The following JAKMIP3 variants were observed in gnomAD, a reference collection of about 807,000 sequenced individuals.
JAKMIP3 encodes the protein Janus kinase and microtubule interacting protein 3.
Under a neutral mutation model 118.5 loss-of-function variants are expected in JAKMIP3, and 58 were observed. The observed-to-expected ratio is 0.49, with a 90% CI of 0.40 to 0.61. JAKMIP3 has a LOEUF of 0.61. JAKMIP3 is among the 20% of genes least tolerant of loss of function. The pLI is 0.00. For missense variants in JAKMIP3, 950 were observed against 1,109.0 expected (o/e 0.86, Z 2.04); for synonymous variants, 486 against 451.2 (o/e 1.08, Z -0.98).
chr10:132,064,893 TG>T (rs902157363), upstream of JAKMIP3, among the ~76,000 whole-genome samples: 15 of 152,080 alleles, frequency 9.9e-5, no homozygotes, highest in African/African-American at 3.4e-4. This position sits in a 1 kb window ranked among gnomAD's most constrained non-coding sequence, Gnocchi z 4.4. Context: ...GTCTCAGCTT[TG>T]GGGTGAAGTG....
chr10:132,125,962 A>G (rs757436305), intron 3 of JAKMIP3, among the ~76,000 whole-genome samples: 9 of 152,206 alleles, frequency 5.9e-5, no homozygotes, highest in Non-Finnish European at 1.2e-4. Flanking sequence ...ATAAGTTCTC[A>G]TGATCGTATC....
rs765451014 is a variant in JAKMIP3 at position 132,135,917 on chromosome 10, C to T, written c.970-13C>T. The stretch of plus-strand genomic sequence containing the variant: ...TCACTTAAAGAACAATCACATAGTG[C>T]GTTGTCTTTCAGTTGAAGCGCGTAA... On this transcript the variant is annotated splice_polypyrimidine_tract_variant and intron_variant, in intron 5 of 23. Coordinates refer to ENST00000684848, the MANE Select transcript of JAKMIP3 (RefSeq NM_001323087.2). 24 of 1,609,088 alleles carry T rather than the reference C, an allele frequency of 1.5e-5. No homozygotes were observed. The highest frequency in any genetic ancestry group is 7.8e-5 in the South Asian group (7 of 90,244).
rs1342957965 is a variant in JAKMIP3 at position 132,180,562 on chromosome 10, T to C, written c.*1104-1795T>C. On this transcript the variant is annotated intron_variant, in intron 23 of 23. Coordinates refer to ENST00000684848, the MANE Select transcript of JAKMIP3 (RefSeq NM_001323087.2). ...GTGTGTGTGCGTGCGTGCATGCGTG[T>C]GTGTGCGTGTGTGTGTGCGTGCGCG... Among the ~76,000 whole-genome samples the C allele has an allele frequency of 1.3e-3, 59 of 46,110 alleles. 10 individuals are homozygous for C. The highest frequency in any genetic ancestry group is 7.8e-3 in the South Asian group (9 of 1,152). The allele number at this position is 46,110 out of a possible 152,430, so 30.2% of individuals were successfully genotyped here.
intron 2 of JAKMIP3, among the ~76,000 whole-genome samples, chr10:132,105,598 T>G (rs1589823360): frequency 6.6e-6 from 1 of 151,944 alleles, no homozygotes; most frequent in East Asian, 1.9e-4. Flanking sequence ...AGCCCTGGGG[T>G]GGGCTACCCA....
chr10:132,073,295 C>T (rs111505575), intron 1 of JAKMIP3, among the ~76,000 whole-genome samples: 17,635 of 152,202 alleles, frequency 0.12, 1,133 homozygotes, highest in Middle Eastern at 0.19. Context: ...ATGCCATTCT[C>T]CTGCCTCAGC....
intron 3 of JAKMIP3, among the ~76,000 whole-genome samples, chr10:132,125,823 C>T (rs1044273154): frequency 6.6e-6 from 1 of 152,176 alleles, no homozygotes; most frequent in African/African-American, 2.4e-5. Flanking sequence ...TTATATCGAT[C>T]TTCTAACCTG....
chr10:132,169,751 C>G (rs1211966038), intron 23 of JAKMIP3: 2 of 152,320 alleles, frequency 1.3e-5, no homozygotes, highest in African/African-American at 4.8e-5. Context: ...CACTGTTGTT[C>G]CCGGGAGATG....
At chr10:132,174,233 C>A (rs961951045) in intron 23 of JAKMIP3, among the ~76,000 whole-genome samples, 1 of 152,144 alleles carries the variant, frequency 6.6e-6, no homozygotes, top group African/African-American at 2.4e-5. Flanking sequence ...TGCAGTGGCC[C>A]CTTCCTGGCA....
rs554814281 is a variant in JAKMIP3, at chr10:132,038,315, G to A, written c.-138+1577G>A. Reference sequence around the variant, plus strand: ...TTTCTCACACTCCAGGTGCCCCGAGGGAGCCCACGCACAGGGCACAACCCC... The same window carrying A: ...TTTCTCACACTCCAGGTGCCCCGAGAGAGCCCACGCACAGGGCACAACCCC... On this transcript the variant is annotated intron_variant, in intron 1 of 23. Coordinates refer to the JAKMIP3 transcript ENST00000657785. Among the ~76,000 whole-genome samples, 27 of 152,280 alleles carry A rather than the reference G, an allele frequency of 1.8e-4. 2 individuals carry two copies. The South Asian group carries it at 5.4e-3, about 30-fold the overall frequency.
At chr10:132,165,872 G>A (rs539541498) in intron 21 of JAKMIP3, among the ~76,000 whole-genome samples, 12 of 152,354 alleles carry the variant, frequency 7.9e-5, no homozygotes, top group Non-Finnish European at 1.5e-4. Flanking sequence ...CAGGCCACGT[G>A]GGGAAGCACC....
chr10:132,133,778 C>T (rs1005921461), intron 4 of JAKMIP3, among the ~76,000 whole-genome samples: 3 of 152,254 alleles, frequency 2.0e-5, no homozygotes, highest in African/African-American at 7.2e-5. Flanking sequence ...TGTCACCCTC[C>T]CGTGGGCCCC....
rs562011239 is a variant in JAKMIP3 at position 132,153,654 on chromosome 10, G to A, written c.2074-105G>A. 1,167 of 1,085,636 alleles carry A rather than the reference G, an allele frequency of 1.1e-3. 2 individuals carry two copies. The highest frequency in any genetic ancestry group is 1.4e-3 in the Non-Finnish European group (988 of 704,442). 67.3% of individuals were successfully genotyped at this position (1,085,636 alleles called of 1,614,324 possible). A position where few individuals can be genotyped will look rare whatever the true frequency, so the allele number is the denominator to read the frequency against. ...TGTGCTCTCCCCTCCCTAAGGAGAA[G>A]AGGAAGGAAGACCCAGGCTGTCCTG... On this transcript the variant is annotated intron_variant, in intron 17 of 23. Coordinates refer to ENST00000684848, the MANE Select transcript of JAKMIP3 (RefSeq NM_001323087.2).
intron 1 of JAKMIP3, among the ~76,000 whole-genome samples, chr10:132,077,222 C>G (rs1003117252): frequency 6.8e-6 from 1 of 147,046 alleles, no homozygotes; most frequent in African/African-American, 2.6e-5. Context: ...CTGCTTCCCC[C>G]TCTCCCGGTG....
intron 23 of JAKMIP3, among the ~76,000 whole-genome samples, chr10:132,180,093 G>A (rs1284976612): frequency 6.6e-6 from 1 of 152,216 alleles, no homozygotes; most frequent in Non-Finnish European, 1.5e-5. Flanking sequence ...GAAGGCTGGT[G>A]TTTGCCATGA....
chr10:132,115,203 GCGGC>G, intron 2 of JAKMIP3, among the ~76,000 whole-genome samples: 3 of 99,394 alleles, frequency 3.0e-5, no homozygotes, highest in African/African-American at 1.6e-4. Context: ...CACCGCGATC[GCGGC>G]TAGGGGTCAC....
At chr10:132,106,394 A>C (rs2890120) in intron 2 of JAKMIP3, among the ~76,000 whole-genome samples, 33,854 of 151,592 alleles carry the variant, frequency 0.22, 4,263 homozygotes, top group African/African-American at 0.35. Context: ...GCTCATTTAC[A>C]TATTGTCCTT....
intron 10 of JAKMIP3, among the ~76,000 whole-genome samples, chr10:132,141,327 G>A (rs10870265): frequency 0.33 from 50,826 of 152,046 alleles, 9,686 homozygotes; most frequent in East Asian, 0.6. Flanking sequence ...ACTCCTAGAC[G>A]TGGCCAACCC....
Position 132,104,764 on chromosome 10 carries a change from G to A in JAKMIP3, c.-45G>A, listed in dbSNP as rs1237529113. Reference sequence around the variant, plus strand: ...CAGCCACCCCCAGCCCAGCCCAGCCGGAGCACCCTACCCCTGGGCATCCCC... The same window carrying A: ...CAGCCACCCCCAGCCCAGCCCAGCCAGAGCACCCTACCCCTGGGCATCCCC... On this transcript the variant is annotated 5_prime_UTR_variant, in exon 2 of 24. Coordinates refer to ENST00000684848, the MANE Select transcript of JAKMIP3 (RefSeq NM_001323087.2). 5.9e-6 allele frequency: 9 copies of A among 1,538,000 alleles called. No homozygotes were observed. The highest frequency in any genetic ancestry group is 4.9e-5 in the East Asian group (2 of 40,612).
rs897226268 is a variant in JAKMIP3 at position 132,184,482 on chromosome 10, T to A, written c.*3229T>A. 1 of 152,262 alleles carries A rather than the reference T, an allele frequency of 6.6e-6. No individual in the cohort carries two copies. Among genetic ancestry groups the A allele is most frequent in the African/African-American group, 2.4e-5 (1 of 41,466 alleles). 9.4% of individuals were successfully genotyped at this position (152,262 alleles called of 1,614,324 possible). On this transcript the variant is annotated 3_prime_UTR_variant, in exon 24 of 24. Coordinates refer to ENST00000684848, the MANE Select transcript of JAKMIP3 (RefSeq NM_001323087.2). ...CCTCAGGAAACTCATATTGTGAATA[T>A]AGGTATCAAATCATATATTTGTTTA...
Sources: gnomAD v4.1 joint callset for allele counts (sites outside exome capture counted in the v4.1 genomes callset) on GRCh38, gnomAD v4.1.1 for gene constraint, Gnocchi (gnomAD v3.1) non-coding constraint, MANE v1.5 for transcripts, NCBI Gene and HGNC (gene_info 2026-07-23, HGNC 2026-07-21) for gene names.